Variants in ADARB2 observed in about 807,000 individuals in gnomAD.
The protein encoded by ADARB2 is adenosine deaminase RNA specific B2 (inactive), also known as inactive double-stranded RNA-specific editase B2.
A neutral mutation model predicts 62.2 loss-of-function variants in ADARB2; 25 were observed. The ratio of observed to expected loss-of-function variants is 0.40; its 90% CI spans 0.29 to 0.56. The LOEUF (loss-of-function observed/expected upper bound fraction) is 0.56. ADARB2 is among the 20% of genes least tolerant of loss of function. ADARB2 has a pLI of 0.43. For missense variants in ADARB2, 1,071 were observed against 1,077.4 expected, an observed-to-expected ratio of 0.99 and a Z score of 0.08; for synonymous variants, 572 against 500.8, an observed-to-expected ratio of 1.14 and a Z score of -1.90.
At chr10:1,305,763 A>C (rs992131081) in intron 3 of ADARB2, among the ~76,000 whole-genome samples, 1 of 152,226 alleles carries the variant, frequency 6.6e-6, no homozygotes, top group Non-Finnish European at 1.5e-5. Flanking sequence ...AAAATCAATA[A>C]ATGTAATCCA....
chr10:1,542,823 G>T (rs111376378), intron 1 of ADARB2, among the ~76,000 whole-genome samples: 3,215 of 59,962 alleles, frequency 0.054, 4 homozygotes, highest in Non-Finnish European at 0.07. Flanking sequence ...CTCAGACGCA[G>T]TTCAGACCCT....
At chr10:1,548,632 A>G (rs1053910592) in intron 1 of ADARB2, among the ~76,000 whole-genome samples, 2 of 152,254 alleles carry the variant, frequency 1.3e-5, no homozygotes, top group African/African-American at 4.8e-5. Context: ...GTTGCAGTTG[A>G]AGCCACAGAT....
Position 1,557,064 on chromosome 10 carries a change from T to C in ADARB2, c.101-177904A>G, listed in dbSNP as rs904632157. 3.5e-4 allele frequency: 123 copies of C among 356,448 alleles called. 1 individual carries two copies. Among genetic ancestry groups the C allele is most frequent in the Non-Finnish European group, 9.5e-5 (17 of 179,094 alleles). The allele number at this position is 356,448 out of a possible 1,614,324, so 22.1% of individuals were successfully genotyped here. On this transcript the variant is annotated intron_variant, in intron 1 of 9. Transcript: ENST00000381312. ...ACCTGTCCCTCCTTGGAAACCTCAG[T>C]TTAAGCATCCCACTGTCCGAGGGTA...
At chr10:1,205,971 T>C (rs1837055142) in intron 7 of ADARB2, among the ~76,000 whole-genome samples, 1 of 146,648 alleles carries the variant, frequency 6.8e-6, no homozygotes, top group African/African-American at 2.6e-5. Context: ...CCCGTTGGGG[T>C]CAGGTGGGTG....
intron 1 of ADARB2, among the ~76,000 whole-genome samples, chr10:1,416,147 A>G (rs1832799316): frequency 6.6e-6 from 1 of 152,260 alleles, no homozygotes; most frequent in South Asian, 2.1e-4. Context: ...GCAGGTTCTT[A>G]GATGGACTGG....
In ADARB2 at chr10:1,255,917, G is replaced by A. The variant is rs1208576241; in HGVS notation, c.1193-13618C>T. ...TGACAACCACATGTCAGCCCTGGGA[G>A]CTAACGGTGTTTACATGACAGTGGC... On this transcript the variant is annotated intron_variant, in intron 4 of 9. Coordinates refer to ENST00000381312, the MANE Select transcript of ADARB2 (RefSeq NM_018702.4). This position sits in a 1 kb window ranked among gnomAD's most constrained non-coding sequence, Gnocchi z 4.7. Among the ~76,000 whole-genome samples, 1 of 152,344 alleles carries A rather than the reference G, an allele frequency of 6.6e-6. No individual in the cohort carries two copies. Among genetic ancestry groups the A allele is most frequent in the East Asian group, 1.9e-4 (1 of 5,190 alleles).
chr10:1,355,081 C>G (rs1246489691), intron 3 of ADARB2, among the ~76,000 whole-genome samples: 1 of 152,208 alleles, frequency 6.6e-6, no homozygotes, highest in Non-Finnish European at 1.5e-5. Flanking sequence ...ACATGATGCC[C>G]AGGTATGTGT....
chr10:1,579,141 T>A (rs1376950698), intron 1 of ADARB2, among the ~76,000 whole-genome samples: 1 of 152,112 alleles, frequency 6.6e-6, no homozygotes. Context: ...CCGCTTTATA[T>A]CAAGTACTTA....
At chr10:1,388,508 G>A (rs995629023) in intron 1 of ADARB2, among the ~76,000 whole-genome samples, 16 of 152,206 alleles carry the variant, frequency 1.1e-4, no homozygotes, top group African/African-American at 3.9e-4. Context: ...GAAATAATAA[G>A]TGAATTCAGC....
chr10:1,355,838 G>T (rs983726261), intron 3 of ADARB2, among the ~76,000 whole-genome samples: 1 of 152,120 alleles, frequency 6.6e-6, no homozygotes, highest in Non-Finnish European at 1.5e-5. Context: ...ATTGCATAAT[G>T]TATGCTGTAC....
chr10:1,480,504 C>T (rs1831453729), intron 1 of ADARB2, among the ~76,000 whole-genome samples: 1 of 152,154 alleles, frequency 6.6e-6, no homozygotes, highest in Non-Finnish European at 1.5e-5. Context: ...TGAGACCATC[C>T]TGGCTAACAT....
At chr10:1,465,573 TG>T (rs1458181594) in intron 1 of ADARB2, among the ~76,000 whole-genome samples, 1 of 152,238 alleles carries the variant, frequency 6.6e-6, no homozygotes. Context: ...CAAGCAAAGC[TG>T]CCTCTGGCAG....
In ADARB2 at chr10:1,398,321, C is replaced by T. The variant is rs898427565; in HGVS notation, c.101-19161G>A. ...CTGCTTCCTGCAATTGTGTCCAGGG[C>T]GCAGGAAGCTGCCCAGCACAGGCAG... On this transcript the variant is annotated intron_variant, in intron 1 of 9. Coordinates refer to ENST00000381312, the MANE Select transcript of ADARB2 (RefSeq NM_018702.4). This position sits in a 1 kb window ranked among gnomAD's most constrained non-coding sequence, Gnocchi z 4.1. Among the ~76,000 whole-genome samples the T allele has an allele frequency of 1.2e-4, 18 of 152,218 alleles. No homozygotes were observed. Among genetic ancestry groups the T allele is most frequent in the Non-Finnish European group, 2.1e-4 (14 of 68,018 alleles).
chr10:1,424,660 A>C (rs1832880549), intron 1 of ADARB2, among the ~76,000 whole-genome samples: 1 of 151,542 alleles, frequency 6.6e-6, no homozygotes, highest in African/African-American at 2.4e-5. Context: ...AAAAAAAGAG[A>C]GAGATAAATA....
chr10:1,694,407 G>A (rs772738170), intron 1 of ADARB2, among the ~76,000 whole-genome samples: 6 of 152,214 alleles, frequency 3.9e-5, no homozygotes, highest in Admixed American at 6.5e-5. Context: ...TATACAATGT[G>A]TATGCCTATT....
intron 1 of ADARB2, among the ~76,000 whole-genome samples, chr10:1,494,052 C>T: frequency 6.6e-6 from 1 of 152,012 alleles, no homozygotes; most frequent in Non-Finnish European, 1.5e-5. Context: ...GCACCTGGCC[C>T]ATAATAGGGC....
intron 1 of ADARB2, among the ~76,000 whole-genome samples, chr10:1,442,534 T>C (rs1830918996): frequency 6.6e-6 from 1 of 152,214 alleles, no homozygotes; most frequent in African/African-American, 2.4e-5. Flanking sequence ...TTTCACTTAA[T>C]AGCTACTCTC....
At chr10:1,496,969 C>G (rs897188575) in intron 1 of ADARB2, among the ~76,000 whole-genome samples, 1 of 152,118 alleles carries the variant, frequency 6.6e-6, no homozygotes, top group African/African-American at 2.4e-5. Context: ...TTTATAGCAC[C>G]ATGACCCAGT....
intron 1 of ADARB2, among the ~76,000 whole-genome samples, chr10:1,406,563 G>A (rs1832709630): frequency 6.6e-6 from 1 of 152,162 alleles, no homozygotes; most frequent in Admixed American, 6.5e-5. Context: ...TCCCTCCTAT[G>A]GGTTGATGGG....
Sources: gnomAD v4.1 joint callset for allele counts (sites outside exome capture counted in the v4.1 genomes callset) on GRCh38, gnomAD v4.1.1 for gene constraint, Gnocchi (gnomAD v3.1) non-coding constraint, MANE v1.5 for transcripts, NCBI Gene and HGNC (gene_info 2026-07-23, HGNC 2026-07-21) for gene names.